The following NELL1 variants were observed in gnomAD, a reference collection of about 807,000 sequenced individuals.
NELL1 encodes neural EGFL like 1.
NELL1 carries 76 observed loss-of-function variants against 107.4 expected under a neutral mutation model. That is an observed-to-expected ratio of 0.71 (90% CI 0.59 to 0.86). The LOEUF (loss-of-function observed/expected upper bound fraction) is 0.86. Ranked by LOEUF, NELL1 falls within the 40% of genes least tolerant of loss-of-function variation. The pLI, the probability that NELL1 is intolerant of heterozygous loss-of-function variation, is 0.00. For missense variants in NELL1, 1,024 were observed against 1,005.5 expected, an observed-to-expected ratio of 1.02 and a Z score of -0.25; for synonymous variants, 353 against 341.2, an observed-to-expected ratio of 1.03 and a Z score of -0.38.
At chr11:21,215,776 T>A (rs748564087) in intron 13 of NELL1, among the ~76,000 whole-genome samples, 4 of 152,154 alleles carry the variant, frequency 2.6e-5, no homozygotes, top group African/African-American at 7.2e-5. Context: ...AAGGAATTTC[T>A]AAGTAGCAAA....
chr11:21,032,928 T>G (rs1442714505), intron 12 of NELL1, among the ~76,000 whole-genome samples: 1 of 152,212 alleles, frequency 6.6e-6, no homozygotes, highest in Non-Finnish European at 1.5e-5. Context: ...GTTTCTTTAG[T>G]GAGAACTGTT....
intron 12 of NELL1, among the ~76,000 whole-genome samples, chr11:20,975,920 C>CAT (rs1554953002): frequency 2.0e-4 from 22 of 108,452 alleles, no homozygotes; most frequent in African/African-American, 8.6e-4. Context: ...TATATAAACA[C>CAT]ACATATATGT....
chr11:20,753,548 A>G (rs1856192281), intron 2 of NELL1, among the ~76,000 whole-genome samples: 1 of 152,024 alleles, frequency 6.6e-6, no homozygotes, highest in Non-Finnish European at 1.5e-5. Flanking sequence ...TGTAATTTGT[A>G]TTTTTAGGTG....
chr11:21,148,292 G>A (rs1055181830), intron 13 of NELL1, among the ~76,000 whole-genome samples: 2 of 152,182 alleles, frequency 1.3e-5, no homozygotes, highest in African/African-American at 4.8e-5. Flanking sequence ...AATGAAGAAG[G>A]CTTCTCAGAA....
chr11:21,259,575 C>A (rs541213692), intron 14 of NELL1, among the ~76,000 whole-genome samples: 5 of 151,750 alleles, frequency 3.3e-5, no homozygotes, highest in African/African-American at 1.2e-4. Context: ...AGACTGGGGT[C>A]GGTAGCCAGG....
At chr11:21,440,365 G>A (rs1429983550) in intron 15 of NELL1, among the ~76,000 whole-genome samples, 1 of 151,822 alleles carries the variant, frequency 6.6e-6, no homozygotes, top group African/African-American at 2.4e-5. Flanking sequence ...TTACATCATA[G>A]CAACCTAAAG....
At chr11:21,127,021 T>C (rs1276537255) in intron 13 of NELL1, among the ~76,000 whole-genome samples, 1 of 152,238 alleles carries the variant, frequency 6.6e-6, no homozygotes, top group African/African-American at 2.4e-5. Context: ...GGGAAGCCCA[T>C]TAAACTGCAA....
chr11:21,364,844 C>G (rs889126128), intron 14 of NELL1, among the ~76,000 whole-genome samples: 1 of 152,150 alleles, frequency 6.6e-6, no homozygotes, highest in African/African-American at 2.4e-5. Flanking sequence ...GGATGGTTCA[C>G]AGATTCTAAA....
chr11:20,912,234 G>A (rs1034480297), intron 5 of NELL1, among the ~76,000 whole-genome samples: 1 of 152,152 alleles, frequency 6.6e-6, no homozygotes, highest in Non-Finnish European at 1.5e-5. Flanking sequence ...AGCAGAGGAT[G>A]GAATCACTTG....
intron 4 of NELL1, among the ~76,000 whole-genome samples, chr11:20,879,500 A>G (rs1849367967): frequency 6.6e-6 from 1 of 152,174 alleles, no homozygotes; most frequent in Non-Finnish European, 1.5e-5. Flanking sequence ...GACTAGGGAA[A>G]ATGCTTACTA....
At chr11:20,925,857 T>C (rs760005410) in intron 7 of NELL1, among the ~76,000 whole-genome samples, 17 of 152,200 alleles carry the variant, frequency 1.1e-4, no homozygotes, top group Non-Finnish European at 2.2e-4. Context: ...TAGAATTACA[T>C]GTGGATTCCA....
chr11:21,028,784 GTATGTCTCT>G (rs1450630181), intron 12 of NELL1, among the ~76,000 whole-genome samples: 1 of 152,090 alleles, frequency 6.6e-6, no homozygotes, highest in African/African-American at 2.4e-5. Context: ...TTGAGGAATT[GTATGTCTCT>G]AATGATTTAT....
At chr11:21,022,033 C>T (rs1350559883) in intron 12 of NELL1, among the ~76,000 whole-genome samples, 1 of 152,050 alleles carries the variant, frequency 6.6e-6, no homozygotes, top group African/African-American at 2.4e-5. Context: ...AGTCACATCC[C>T]CTGCCCCAGT....
chr11:21,552,301 A>AAGTT (rs1275133492), intron 16 of NELL1, among the ~76,000 whole-genome samples: 1 of 151,638 alleles, frequency 6.6e-6, no homozygotes, highest in African/African-American at 2.4e-5. Flanking sequence ...AATAATAAAA[A>AAGTT]AGTTAATGTT....
intron 15 of NELL1, among the ~76,000 whole-genome samples, chr11:21,534,076 C>A (rs1174799243): frequency 6.6e-6 from 1 of 152,150 alleles, no homozygotes; most frequent in East Asian, 1.9e-4. Flanking sequence ...AATACCAAAA[C>A]TGTGCCAAAC....
intron 5 of NELL1, among the ~76,000 whole-genome samples, chr11:20,909,305 A>G (rs1237954481): frequency 6.6e-6 from 1 of 152,194 alleles, no homozygotes; most frequent in African/African-American, 2.4e-5. Context: ...TGCACTTAAA[A>G]TGTTTATAAT....
At position 21,092,774 on chromosome 11, in the gene NELL1, A is replaced by G. The variant is rs568364333; in HGVS notation, c.1301-20815A>G. Among the ~76,000 whole-genome samples, 8 of 152,304 alleles carry G rather than the reference A, an allele frequency of 5.3e-5. No homozygotes were observed. In the South Asian group the frequency reaches 1.7e-3, roughly 32 times the overall value. On this transcript the variant is annotated intron_variant, in intron 12 of 19. Coordinates refer to ENST00000357134, the MANE Select transcript of NELL1 (RefSeq NM_006157.5). ...AATCTACATCAAAGTCTACTTATCT[A>G]TGGTTAATATTATGTGGAGACCTGA...
At chr11:21,333,566 T>C (rs974910156) in intron 14 of NELL1, among the ~76,000 whole-genome samples, 1 of 152,074 alleles carries the variant, frequency 6.6e-6, no homozygotes, top group African/African-American at 2.4e-5. Flanking sequence ...TATACACATA[T>C]GTGTGTATTT....
intron 2 of NELL1, among the ~76,000 whole-genome samples, chr11:20,730,225 A>G (rs924519777): frequency 8.5e-5 from 13 of 152,152 alleles, no homozygotes; most frequent in African/African-American, 3.1e-4. Flanking sequence ...TATTAATATT[A>G]TACTGTTAAA....
Sources: gnomAD v4.1 joint callset for allele counts (sites outside exome capture counted in the v4.1 genomes callset) on GRCh38, gnomAD v4.1.1 for gene constraint, MANE v1.5 for transcripts, NCBI Gene and HGNC (gene_info 2026-07-23, HGNC 2026-07-21) for gene names.